Variants in LRFN2 observed in about 807,000 individuals in gnomAD.
LRFN2 encodes leucine-rich repeat and fibronectin type-III domain-containing protein 2.
LRFN2 carries 18 observed loss-of-function variants against 37.3 expected under a neutral mutation model. The observed-to-expected ratio is 0.48, with a 90% CI of 0.33 to 0.72. LRFN2 has a LOEUF of 0.72. Ranked by LOEUF, LRFN2 falls within the 30% of genes least tolerant of loss-of-function variation. LRFN2 has a pLI of 0.02. For synonymous variants in LRFN2, 556 were observed against 466.6 expected (o/e 1.19, Z -2.47); for missense variants, 1,006 against 1,060.7 (o/e 0.95, Z 0.72).
chr6:40,572,114 C>T (rs1767200072), intron 1 of LRFN2, among the ~76,000 whole-genome samples: 1 of 152,224 alleles, frequency 6.6e-6, no homozygotes, highest in African/African-American at 2.4e-5. Context: ...GGGCCAAATC[C>T]CTGCATGCCA....
At chr6:40,583,197 T>C (rs1270601741) in intron 1 of LRFN2, among the ~76,000 whole-genome samples, 1 of 50,882 alleles carries the variant, frequency 2.0e-5, no homozygotes, top group East Asian at 3.4e-4. Context: ...AGTGTATATA[T>C]AGACATATAT....
At chr6:40,399,717 C>A (rs971099799) in intron 2 of LRFN2, among the ~76,000 whole-genome samples, 1 of 151,850 alleles carries the variant, frequency 6.6e-6, no homozygotes, top group Non-Finnish European at 1.5e-5. Flanking sequence ...GGATTACAGG[C>A]GTGAGCCACG....
At chr6:40,557,358 T>C (rs1344748521) in intron 1 of LRFN2, among the ~76,000 whole-genome samples, 1 of 152,112 alleles carries the variant, frequency 6.6e-6, no homozygotes, top group Non-Finnish European at 1.5e-5. Flanking sequence ...AACAGAGCTA[T>C]GGGGGTTCAG....
At chr6:40,565,683 T>C (rs1361786989) in intron 1 of LRFN2, among the ~76,000 whole-genome samples, 1 of 151,592 alleles carries the variant, frequency 6.6e-6, no homozygotes, top group East Asian at 1.9e-4. Flanking sequence ...GCTAGCCATA[T>C]GTAGAAAGCT....
intron 1 of LRFN2, among the ~76,000 whole-genome samples, chr6:40,446,054 C>T (rs78187795): frequency 1.7e-3 from 253 of 152,280 alleles, no homozygotes; most frequent in African/African-American, 5.8e-3. Flanking sequence ...AGATTGCCAC[C>T]AAAATAAAAA....
chr6:40,434,823 G>T (rs1437580560), intron 1 of LRFN2, among the ~76,000 whole-genome samples: 1 of 150,838 alleles, frequency 6.6e-6, no homozygotes, highest in Non-Finnish European at 1.5e-5. Context: ...CTGCAAAAAT[G>T]GCTTCTAAGG....
At chr6:40,425,679 C>A (rs1271773512) in intron 2 of LRFN2, among the ~76,000 whole-genome samples, 2 of 152,204 alleles carry the variant, frequency 1.3e-5, no homozygotes, top group African/African-American at 2.4e-5. Flanking sequence ...TCCCTAGTCA[C>A]AAAGGAAACA....
intron 1 of LRFN2, among the ~76,000 whole-genome samples, chr6:40,574,337 G>C (rs1027389874): frequency 6.6e-6 from 1 of 152,168 alleles, no homozygotes; most frequent in Non-Finnish European, 1.5e-5. Context: ...ACTTGCATGA[G>C]GGTACACAGC....
intron 1 of LRFN2, among the ~76,000 whole-genome samples, chr6:40,435,052 T>TATATAG (rs1482968698): frequency 3.9e-3 from 145 of 37,526 alleles, no homozygotes; most frequent in South Asian, 5.3e-3. Flanking sequence ...TATATATATA[T>TATATAG]AGAGAGAGAG....
At chr6:40,408,691 G>C (rs1310626979) in intron 2 of LRFN2, among the ~76,000 whole-genome samples, 1 of 152,180 alleles carries the variant, frequency 6.6e-6, no homozygotes, top group African/African-American at 2.4e-5. Context: ...AGTACCTACT[G>C]TGTAGGAATA....
chr6:40,435,038 TATATATATATATATAGAGAGAGAG>T (rs1306628543), intron 1 of LRFN2, among the ~76,000 whole-genome samples: 27 of 93,112 alleles, frequency 2.9e-4, no homozygotes, highest in African/African-American at 1.0e-3. Flanking sequence ...TATATATATA[TATATATATATATATAGAGAGAGAG>T]AGAGAGAGAG....
rs140611678 is a variant in LRFN2 at position 40,431,843 on chromosome 6, C to G, written c.1271G>C (p.Arg424Pro). 7.7e-5 allele frequency: 122 copies of G among 1,580,656 alleles called. 1 individual carries two copies. In the African/African-American group the frequency reaches 1.2e-3, roughly 16 times the overall value. The stretch of plus-strand genomic sequence containing the variant: ...GGTCACTTCAGACACAAGCACAGCC[C>G]GTTCCGGGGGGCTTTTGGGAGGCTC... ...GGEPPKSPPERAVLVSEVTTT... is the reference protein window; with the variant it reads ...GGEPPKSPPEPAVLVSEVTTT... The change falls in exon 2 of 3, where the codon CGG (arginine) becomes CCG (proline). Residue 424 changes from arginine (R) to proline (P), a missense_variant. Physicochemically the swap from Arg to Pro is moderately radical, Grantham distance 103 (BLOSUM62 -2). Coordinates refer to ENST00000338305, the MANE Select transcript of LRFN2 (RefSeq NM_020737.3).
Position 40,444,494 on chromosome 6 carries a change from T to C in LRFN2, c.-18-11363A>G, listed in dbSNP as rs1441697767. On this transcript the variant is annotated intron_variant, in intron 1 of 2. Transcript: ENST00000338305. ...TTTTTATTGCAAACACCAGGCTCCA[T>C]TACCCTGGGATTTGCTCTCTGCATT... Among the ~76,000 whole-genome samples, 4 of 152,200 alleles carry C rather than the reference T, an allele frequency of 2.6e-5. No individual in the cohort carries two copies. The East Asian group carries it at 7.7e-4, about 29-fold the overall frequency.
chr6:40,560,339 C>T (rs1265993262), intron 1 of LRFN2, among the ~76,000 whole-genome samples: 1 of 152,178 alleles, frequency 6.6e-6, no homozygotes, highest in Non-Finnish European at 1.5e-5. Context: ...CATGACCAGG[C>T]ACCAGGATGC....
At chr6:40,473,753 A>C (rs371797781) in intron 1 of LRFN2, among the ~76,000 whole-genome samples, 7 of 152,120 alleles carry the variant, frequency 4.6e-5, no homozygotes, top group South Asian at 2.1e-4. Context: ...ACCCCCAACA[A>C]GCCTCGGCGT....
chr6:40,399,431 T>C (rs1009912199), intron 2 of LRFN2, among the ~76,000 whole-genome samples: 4 of 116,994 alleles, frequency 3.4e-5, no homozygotes, highest in Admixed American at 1.9e-4. Flanking sequence ...CTTTTCTTTT[T>C]TTTTTTCTTT....
chr6:40,430,392 G>T lies in LRFN2; in HGVS notation c.1400+1322C>A, dbSNP rs562534338. 1.2e-4 allele frequency among the ~76,000 whole-genome samples: 19 copies of T among 152,290 alleles called. No homozygotes were observed. In the South Asian group the frequency reaches 2.1e-3, roughly 17 times the overall value. ...CCTCCAGGATGGATCAAGTATTTTTGATCTCTCTTGCACCATGGGCCCTTT... is the reference window on the plus strand; with the variant it reads ...CCTCCAGGATGGATCAAGTATTTTTTATCTCTCTTGCACCATGGGCCCTTT... On this transcript the variant is annotated intron_variant, in intron 2 of 2. Transcript: ENST00000338305.
chr6:40,571,257 T>G (rs1254195824), intron 1 of LRFN2, among the ~76,000 whole-genome samples: 1 of 152,216 alleles, frequency 6.6e-6, no homozygotes, highest in African/African-American at 2.4e-5. Context: ...TCAGTAAACA[T>G]CTGTTAACTG....
intron 1 of LRFN2, among the ~76,000 whole-genome samples, chr6:40,567,874 C>T (rs1414347813): frequency 6.6e-6 from 1 of 152,100 alleles, no homozygotes; most frequent in Admixed American, 6.6e-5. Context: ...GACTATACCC[C>T]ACAGATGAAC....
Sources: gnomAD v4.1 joint callset for allele counts (sites outside exome capture counted in the v4.1 genomes callset) on GRCh38, gnomAD v4.1.1 for gene constraint, MANE v1.5 for transcripts, NCBI Gene and HGNC (gene_info 2026-07-23, HGNC 2026-07-21) for gene names.